The following SEMG2 variants were observed in gnomAD, a reference collection of about 807,000 sequenced individuals.
SEMG2 encodes the protein semenogelin-2.
In SEMG2, 3 loss-of-function variants were observed where a neutral mutation model predicts 8.1. That is an observed-to-expected ratio of 0.37 (90% CI 0.17 to 0.96). The LOEUF (loss-of-function observed/expected upper bound fraction) is 0.96, where lower values mean the gene tolerates loss of function less well. SEMG2 is among the 40% of genes least tolerant of loss of function. The pLI is 0.41. For synonymous variants in SEMG2, 252 were observed against 231.4 expected (o/e 1.09, Z -0.81); for missense variants, 726 against 671.2 (o/e 1.08, Z -0.90).
rs766804555 is a variant in SEMG2 at position 45,221,975 on chromosome 20, G to A, written c.343G>A (p.Asp115Asn). 37 of 1,613,884 alleles carry A rather than the reference G, an allele frequency of 2.3e-5. No individual in the cohort carries two copies. The highest frequency in any genetic ancestry group is 3.1e-5 in the Non-Finnish European group (36 of 1,179,988). The change falls in exon 2 of 3, where the codon GAC (aspartate) becomes AAC (asparagine). Residue 115 changes from aspartate (D) to asparagine (N), a missense_variant. Transcript: ENST00000372769. ...GCTCAATTATAAACAAGAAGGCAGAGACCATGATAAATCAAAAGGTCATTT... is the reference window on the plus strand; with the variant it reads ...GCTCAATTATAAACAAGAAGGCAGAAACCATGATAAATCAAAAGGTCATTT... ...QLLNYKQEGRDHDKSKGHFHM... is the reference protein window; with the variant it reads ...QLLNYKQEGRNHDKSKGHFHM...
rs760693537 is a variant in SEMG2 at position 45,221,847 on chromosome 20, A to G, written c.215A>G (p.Asp72Gly). Reference sequence around the variant, plus strand: ...TCTATTCAACACACATATCATGTAGACATCAATGATCATGACTGGACCCGA... The same window carrying G: ...TCTATTCAACACACATATCATGTAGGCATCAATGATCATGACTGGACCCGA... ...SFSIQHTYHVDINDHDWTRKS... is the reference protein window; with the variant it reads ...SFSIQHTYHVGINDHDWTRKS... The change falls in exon 2 of 3, where the codon GAC (aspartate) becomes GGC (glycine). Residue 72 changes from aspartate to glycine, a missense_variant. Coordinates refer to ENST00000372769, the MANE Select transcript of SEMG2 (RefSeq NM_003008.3). 2 of 1,614,180 alleles carry G rather than the reference A, an allele frequency of 1.2e-6. No individual in the cohort carries two copies. The highest frequency in any genetic ancestry group is 2.2e-5 in the South Asian group (2 of 91,066).
rs1984027388 is a variant in SEMG2 at position 45,222,043 on chromosome 20, T to C, written c.411T>C (p.His137=). The change falls in exon 2 of 3, where the codon CAT becomes CAC. Residue 137 remains histidine (H), a synonymous_variant. Transcript: ENST00000372769. ...VIHHKGGQAH[H]GTQNPSQDQG... ...ATCATAAAGGAGGCCAAGCTCATCATGGGACACAAAATCCTTCTCAAGATC... is the reference window on the plus strand; with the variant it reads ...ATCATAAAGGAGGCCAAGCTCATCACGGGACACAAAATCCTTCTCAAGATC... 1.2e-6 allele frequency: 2 copies of C among 1,614,150 alleles called. No individual in the cohort carries two copies. The highest frequency in any genetic ancestry group is 1.3e-5 in the African/African-American group (1 of 75,062).
chr20:45,222,836 A>C lies in SEMG2; in HGVS notation c.1204A>C (p.Lys402Gln). 4 of 1,614,100 alleles carry C rather than the reference A, an allele frequency of 2.5e-6. No homozygotes were observed. The highest frequency in any genetic ancestry group is 3.4e-6 in the Non-Finnish European group (4 of 1,179,978). The change falls in exon 2 of 3, where the codon AAG becomes CAG. Residue 402 changes from lysine (K) to glutamine (Q), a missense_variant. Lys to Gln is a moderately conservative substitution (Grantham distance 53). Transcript: ENST00000372769. ...TAGTCAAGCTCAAGAGTATGGCCAT[A>C]AGGAAAATAAAATATCATACCAATC... Reference protein sequence around the residue: ...IPSQAQEYGHKENKISYQSSS... With the variant: ...IPSQAQEYGHQENKISYQSSS...
At position 45,222,149 on chromosome 20, in the gene SEMG2, A is replaced by G; in HGVS notation, c.517A>G (p.Lys173Glu). ...AAGGCTATGGGTTCATGGACTAAGT[A>G]AAGAACAAGCTTCAGCCTCTGGTGC... ...EKRLWVHGLS[K>E]EQASASGAQK... The change falls in exon 2 of 3, where the codon AAA (lysine) becomes GAA (glutamate). Residue 173 changes from lysine to glutamate, a missense_variant. Physicochemically the swap from Lys to Glu is moderately conservative, Grantham distance 56. Transcript: ENST00000372769. The G allele has an allele frequency of 1.2e-6, 2 of 1,614,170 alleles. No individual in the cohort carries two copies. The highest frequency in any genetic ancestry group is 4.5e-5 in the East Asian group (2 of 44,884).
chr20:45,223,269 A>G lies in SEMG2; in HGVS notation c.1637A>G (p.Tyr546Cys). 1.2e-6 allele frequency: 2 copies of G among 1,614,230 alleles called. No homozygotes were observed. Among genetic ancestry groups the G allele is most frequent in the Non-Finnish European group, 1.7e-6 (2 of 1,180,026 alleles). The change falls in exon 2 of 3, where the codon TAC becomes TGC. Residue 546 changes from tyrosine (Y) to cysteine (C), a missense_variant. Tyr to Cys is a radical substitution (Grantham distance 194). Coordinates refer to ENST00000372769, the MANE Select transcript of SEMG2 (RefSeq NM_003008.3). ...CTCAGTCATGAACAAAAAGGCAGAT[A>G]CAAACAGGAATCCAGTGAGTCACAT... ...DLLSHEQKGR[Y>C]KQESSESHNI...
At position 45,222,965 on chromosome 20, in the gene SEMG2, A is replaced by T. The variant is rs755191233; in HGVS notation, c.1333A>T (p.Lys445Ter). The change falls in exon 2 of 3, where the codon AAG (lysine) becomes TAG (stop). Residue 445 changes from lysine to a stop codon, truncating the protein, a stop_gained. Transcript: ENST00000372769. LOFTEE classifies it low-confidence loss of function (END_TRUNC). Reference protein sequence around the residue: ...SIQTEEKIHGKSQNQVTIPSQ... With the variant: ...SIQTEEKIHG ...CCAAACTGAAGAGAAAATACATGGC[A>T]AGTCTCAAAACCAGGTAACAATTCC... 4 of 1,614,154 alleles carry T rather than the reference A, an allele frequency of 2.5e-6. No homozygotes were observed. The highest frequency in any genetic ancestry group is 3.4e-6 in the Non-Finnish European group (4 of 1,180,028).
At position 45,222,869 on chromosome 20, in the gene SEMG2, A is replaced by G. The variant is rs1258220752; in HGVS notation, c.1237A>G (p.Thr413Ala). The G allele has an allele frequency of 1.2e-6, 2 of 1,613,920 alleles. No homozygotes were observed. The highest frequency in any genetic ancestry group is 1.3e-5 in the African/African-American group (1 of 74,894). The change falls in exon 2 of 3, where the codon ACA becomes GCA. Residue 413 changes from threonine to alanine, a missense_variant. By Grantham distance (58) the Thr-to-Ala change is moderately conservative. Transcript: ENST00000372769. ...ENKISYQSSS[T>A]EERRLNSGEK... is the part of the protein sequence containing the mutation. ...TAAAATATCATACCAATCTTCGAGT[A>G]CAGAAGAAAGACGTCTCAACAGTGG...
In SEMG2 at chr20:45,222,166, C is replaced by T; in HGVS notation, c.534C>T (p.Ala178=). The T allele has an allele frequency of 1.2e-6, 2 of 1,614,142 alleles. No individual in the cohort carries two copies. The highest frequency in any genetic ancestry group is 1.7e-6 in the Non-Finnish European group (2 of 1,180,012). ...VHGLSKEQAS[A]SGAQKGRTQG... ...GACTAAGTAAAGAACAAGCTTCAGC[C>T]TCTGGTGCACAAAAAGGTAGAACAC... Residue 178 remains alanine, a synonymous_variant, in exon 2 of 3, where the codon GCC becomes GCT. Coordinates refer to ENST00000372769, the MANE Select transcript of SEMG2 (RefSeq NM_003008.3).
Position 45,222,650 on chromosome 20 carries a change from G to T in SEMG2, c.1018G>T (p.Gly340Cys), listed in dbSNP as rs1984047999. The change falls in exon 2 of 3, where the codon GGC becomes TGC. Residue 340 changes from glycine (G) to cysteine (C), a missense_variant. Coordinates refer to ENST00000372769, the MANE Select transcript of SEMG2 (RefSeq NM_003008.3). ...VTIHSQDQEHGHKENKISYQS... is the reference protein window; with the variant it reads ...VTIHSQDQEHCHKENKISYQS... ...AATTCATAGTCAAGATCAAGAGCAT[G>T]GCCATAAGGAAAATAAAATATCATA... 1 of 1,613,688 alleles carries T rather than the reference G, an allele frequency of 6.2e-7. No homozygotes were observed. Among genetic ancestry groups the T allele is most frequent in the Non-Finnish European group, 8.5e-7 (1 of 1,179,898 alleles).
chr20:45,221,805 A>T lies in SEMG2; in HGVS notation c.173A>T (p.Lys58Ile). ...GGACAAAAAGACCAACAACATACTA[A>T]ATCCAAAGGCAGTTTTTCTATTCAA... ...YFGQKDQQHT[K>I]SKGSFSIQHT... Residue 58 changes from lysine to isoleucine, a missense_variant, in exon 2 of 3, where the codon AAA (lysine) becomes ATA (isoleucine). Transcript: ENST00000372769. 3.7e-6 allele frequency: 6 copies of T among 1,614,190 alleles called. No individual in the cohort carries two copies. Among genetic ancestry groups the T allele is most frequent in the Non-Finnish European group, 5.1e-6 (6 of 1,180,022 alleles).
chr20:45,223,330 T>C lies in SEMG2; in HGVS notation c.1698T>C (p.Asp566=). ...IVITEHEVAQ[D]DHLTQQYNED... Reference sequence around the variant, plus strand: ...TTACTGAGCATGAGGTTGCCCAAGATGATCATTTGACACAACAATATAATG... The same window carrying C: ...TTACTGAGCATGAGGTTGCCCAAGACGATCATTTGACACAACAATATAATG... The change falls in exon 2 of 3, where the codon GAT becomes GAC. Residue 566 remains aspartate (D), a synonymous_variant. Transcript: ENST00000372769. 1 of 1,614,014 alleles carries C rather than the reference T, an allele frequency of 6.2e-7. No homozygotes were observed. Among genetic ancestry groups the C allele is most frequent in the Non-Finnish European group, 8.5e-7 (1 of 1,179,930 alleles).
At chr20:45,223,500 C>T in intron 2 of SEMG2, 75 bp downstream of exon 2, 1 of 644,058 alleles carries the variant, frequency 1.6e-6, no homozygotes, top group Non-Finnish European at 2.7e-6. Flanking sequence ...CATGGTAGGA[C>T]TGATAACCAT....
chr20:45,221,534 C>T, intron 1 of SEMG2, 69 bp downstream of exon 1: 3 of 1,554,056 alleles, frequency 1.9e-6, no homozygotes, highest in African/African-American at 1.4e-5. Context: ...ATTCAGGGTG[C>T]AAACAGTAAC....
rs1270483519 is a variant in SEMG2 at position 45,223,355 on chromosome 20, G to A, written c.1723G>A (p.Glu575Lys). The change falls in exon 2 of 3, where the codon GAA becomes AAA. Residue 575 changes from glutamate to lysine, a missense_variant. Glu to Lys is a moderately conservative substitution (Grantham distance 56, BLOSUM62 1). Transcript: ENST00000372769. The part of the protein sequence containing the change: ...QDDHLTQQYN[E>K]DRNPIST ...TGATCATTTGACACAACAATATAAT[G>A]AAGACAGAAATCCAATATCTACATA... 3.1e-6 allele frequency: 5 copies of A among 1,613,002 alleles called. No individual in the cohort carries two copies.
chr20:45,222,863 T>C lies in SEMG2; in HGVS notation c.1231T>C (p.Ser411Pro). 6.2e-7 allele frequency: 1 copy of C among 1,613,520 alleles called. No individual in the cohort carries two copies. The highest frequency in any genetic ancestry group is 8.5e-7 in the Non-Finnish European group (1 of 1,179,906). Residue 411 changes from serine to proline, a missense_variant, in exon 2 of 3, where the codon TCG becomes CCG. Transcript: ENST00000372769. ...GGAAAATAAAATATCATACCAATCT[T>C]CGAGTACAGAAGAAAGACGTCTCAA... ...HKENKISYQSSSTEERRLNSG... is the reference protein window; with the variant it reads ...HKENKISYQSPSTEERRLNSG...
In SEMG2 at chr20:45,222,191, C is replaced by T. The variant is rs138018319; in HGVS notation, c.559C>T (p.Gln187Ter). ...CTCTGGTGCACAAAAAGGTAGAACACAAGGTGGATCCCAAAGCAGTTATGT... is the reference window on the plus strand; with the variant it reads ...CTCTGGTGCACAAAAAGGTAGAACATAAGGTGGATCCCAAAGCAGTTATGT... ...SASGAQKGRT[Q>*]GGSQSSYVLQ... The change falls in exon 2 of 3, where the codon CAA (glutamine) becomes TAA (stop). Residue 187 changes from glutamine to a stop codon, truncating the protein, a stop_gained. Transcript: ENST00000372769. LOFTEE classifies it low-confidence loss of function (END_TRUNC). 1.1e-3 allele frequency: 1,854 copies of T among 1,614,150 alleles called. 2 individuals are homozygous for T. The highest frequency in any genetic ancestry group is 1.4e-3 in the Non-Finnish European group (1,698 of 1,180,006).
rs764399643 is a variant in SEMG2, at chr20:45,222,289, T to C, written c.657T>C (p.His219=). ...AAAATTCTCATCAAAATAAAGGGCA[T>C]TACCAAAATGTGGTTGACGTGAGAG... The part of the protein sequence containing the change: ...ETKNSHQNKG[H]YQNVVDVREE... Residue 219 remains histidine, a synonymous_variant, in exon 2 of 3, where the codon CAT becomes CAC. Coordinates refer to ENST00000372769, the MANE Select transcript of SEMG2 (RefSeq NM_003008.3). 2.5e-6 allele frequency: 4 copies of C among 1,613,968 alleles called. No individual in the cohort carries two copies. In the Admixed American group the frequency reaches 5.0e-5, roughly 20 times the overall value.
In SEMG2 at chr20:45,221,764, G is replaced by A; in HGVS notation, c.132G>A (p.Lys44=). Residue 44 remains lysine, a synonymous_variant, in exon 2 of 3, where the codon AAG becomes AAA. Coordinates refer to ENST00000372769, the MANE Select transcript of SEMG2 (RefSeq NM_003008.3). ...SGSSQFPHGQ[K]GQHYFGQKDQ... ...CTTCCCAATTTCCACATGGACAAAAGGGCCAGCACTATTTTGGACAAAAAG... is the reference window on the plus strand; with the variant it reads ...CTTCCCAATTTCCACATGGACAAAAAGGCCAGCACTATTTTGGACAAAAAG... 6.2e-7 allele frequency: 1 copy of A among 1,612,334 alleles called. No homozygotes were observed. Among genetic ancestry groups the A allele is most frequent in the Non-Finnish European group, 8.5e-7 (1 of 1,179,562 alleles).
At position 45,222,727 on chromosome 20, in the gene SEMG2, C is replaced by T. The variant is rs756121615; in HGVS notation, c.1095C>T (p.Ile365=). ...ERHLNCGEKG[I]QKGVSKGSIS... is the part of the protein sequence containing the mutation. ...ATCTCAACTGTGGAGAAAAGGGCAT[C>T]CAGAAAGGTGTATCCAAAGGCAGTA... Residue 365 remains isoleucine (I), a synonymous_variant, in exon 2 of 3, where the codon ATC becomes ATT. Coordinates refer to ENST00000372769, the MANE Select transcript of SEMG2 (RefSeq NM_003008.3). 2.5e-6 allele frequency: 4 copies of T among 1,596,880 alleles called. No individual in the cohort carries two copies. The Admixed American group carries it at 5.1e-5, about 21-fold the overall frequency.
Sources: gnomAD v4.1 joint callset for allele counts on GRCh38, gnomAD v4.1.1 for gene constraint, MANE v1.5 for transcripts, NCBI Gene and HGNC (gene_info 2026-07-23, HGNC 2026-07-21) for gene names.